Variants in FER1L6 observed in about 807,000 individuals in gnomAD.
FER1L6 encodes fer-1-like protein 6.
Under a neutral mutation model 219.2 loss-of-function variants are expected in FER1L6, and 177 were observed. That is an observed-to-expected ratio of 0.81 (90% CI 0.71 to 0.91). The LOEUF (loss-of-function observed/expected upper bound fraction) is 0.91, where lower values mean the gene tolerates loss of function less well. Among genes scored for constraint, FER1L6 ranks in the 40% least tolerant of loss-of-function variants. The pLI is 0.00. For missense variants in FER1L6, 2,153 were observed against 2,259.9 expected (o/e 0.95, Z 0.96); for synonymous variants, 768 against 824.3 (o/e 0.93, Z 1.17).
chr8:124,095,628 C>A (rs1586331404), intron 35 of FER1L6, among the ~76,000 whole-genome samples: 1 of 152,124 alleles, frequency 6.6e-6, no homozygotes, highest in African/African-American at 2.4e-5. Flanking sequence ...TGTACTAGGA[C>A]CTTTACGTAA....
chr8:124,108,849 G>A (rs1335947267), intron 39 of FER1L6, among the ~76,000 whole-genome samples: 1 of 152,044 alleles, frequency 6.6e-6, no homozygotes, highest in Non-Finnish European at 1.5e-5. Flanking sequence ...TTGCATTCCA[G>A]CCTGGGCAAC....
chr8:124,102,819 A>T (rs938468733), intron 38 of FER1L6, among the ~76,000 whole-genome samples: 1 of 152,174 alleles, frequency 6.6e-6, no homozygotes, highest in African/African-American at 2.4e-5. Context: ...TGAAGCCAAT[A>T]ATCCAGGCTT....
intron 20 of FER1L6, 80 bp downstream of exon 20, chr8:124,040,086 C>T (rs912239986): frequency 6.0e-5 from 95 of 1,575,982 alleles, no homozygotes; most frequent in Middle Eastern, 2.0e-4. Flanking sequence ...AAAGAAACAA[C>T]GGGGGCATGT....
At chr8:123,908,640 A>T (rs1813000196) in intron 1 of FER1L6, among the ~76,000 whole-genome samples, 3 of 152,220 alleles carry the variant, frequency 2.0e-5, no homozygotes, top group Admixed American at 2.0e-4. Flanking sequence ...TGTAAGGATA[A>T]CCATATCTTA....
chr8:124,028,428 A>G (rs1818805798), intron 18 of FER1L6, among the ~76,000 whole-genome samples: 1 of 151,794 alleles, frequency 6.6e-6, no homozygotes, highest in Non-Finnish European at 1.5e-5. Flanking sequence ...CTTTCTCTTC[A>G]CTGAATGAGC....
At chr8:124,106,855 C>A (rs771170703) in intron 39 of FER1L6, among the ~76,000 whole-genome samples, 1 of 151,548 alleles carries the variant, frequency 6.6e-6, no homozygotes, top group Non-Finnish European at 1.5e-5. Context: ...TAATGTGGTA[C>A]GTAGCACATA....
At chr8:123,953,808 G>A (rs996634918) in intron 1 of FER1L6, among the ~76,000 whole-genome samples, 1 of 152,192 alleles carries the variant, frequency 6.6e-6, no homozygotes, top group Non-Finnish European at 1.5e-5. Context: ...TCATGGCAGG[G>A]GGCACCTGGG....
At chr8:124,092,219 G>A (rs1396845103) in intron 34 of FER1L6, among the ~76,000 whole-genome samples, 1 of 152,100 alleles carries the variant, frequency 6.6e-6, no homozygotes, top group Non-Finnish European at 1.5e-5. Flanking sequence ...TCTTTGAAAT[G>A]ATCAGTGATG....
At chr8:123,906,664 G>A (rs890705384) in intron 1 of FER1L6, among the ~76,000 whole-genome samples, 7 of 151,960 alleles carry the variant, frequency 4.6e-5, no homozygotes, top group African/African-American at 1.7e-4. Flanking sequence ...GCTTGGCGTG[G>A]TGGTGTGTGC....
At position 123,944,364 on chromosome 8, in the gene FER1L6, A is replaced by G. The variant is rs138974014; in HGVS notation, c.-7-11628A>G. ...TATCAAATATATAGTGAACAAGTAT[A>G]TTGGCTCAATCCCAGTGTGGTGTAG... On this transcript the variant is annotated intron_variant, in intron 1 of 40. Transcript: ENST00000522917. Among the ~76,000 whole-genome samples, 159 of 151,010 alleles carry G rather than the reference A, an allele frequency of 1.1e-3. 2 individuals are homozygous for G. The highest frequency in any genetic ancestry group is 3.1e-3 in the East Asian group (16 of 5,158).
Position 123,959,172 on chromosome 8 carries a change from A to G in FER1L6, c.76+3098A>G, listed in dbSNP as rs113666384. ...CAGTAACTCAATAAATTAGTGAATG[A>G]GTGCTGTAGAAGAAGCTTTAGCTGA... is the stretch of plus-strand genomic sequence containing the variant. On this transcript the variant is annotated intron_variant, in intron 2 of 40. Coordinates refer to ENST00000522917, the MANE Select transcript of FER1L6 (RefSeq NM_001039112.2). Among the ~76,000 whole-genome samples, 744 of 152,310 alleles carry G rather than the reference A, an allele frequency of 4.9e-3. 1 individual carries two copies. The highest frequency in any genetic ancestry group is 0.01 in the Middle Eastern group (3 of 294).
chr8:124,071,745 T>C (rs1821083303), intron 31 of FER1L6, 114 bp downstream of exon 31: 1 of 1,321,384 alleles, frequency 7.6e-7, no homozygotes, highest in Non-Finnish European at 1.0e-6. Context: ...CCCACAGTTT[T>C]GAATGCCATA....
At chr8:123,884,918 T>C (rs1300295962) in intron 1 of FER1L6, among the ~76,000 whole-genome samples, 1 of 152,130 alleles carries the variant, frequency 6.6e-6, no homozygotes, top group Non-Finnish European at 1.5e-5. Context: ...AATAGAATCA[T>C]TGCAGATGCA....
chr8:123,892,022 C>T (rs895521388), intron 1 of FER1L6, among the ~76,000 whole-genome samples: 7 of 152,264 alleles, frequency 4.6e-5, no homozygotes, highest in Admixed American at 3.9e-4. Flanking sequence ...GCCGAAATAA[C>T]AGGGTTTTCT....
chr8:124,008,884 T>G (rs1817787613), intron 13 of FER1L6, among the ~76,000 whole-genome samples: 1 of 152,142 alleles, frequency 6.6e-6, no homozygotes. Flanking sequence ...TCAACATCAC[T>G]AATGATCAGG....
chr8:123,929,195 A>G (rs919682211), intron 1 of FER1L6, among the ~76,000 whole-genome samples: 6 of 152,332 alleles, frequency 3.9e-5, no homozygotes, highest in South Asian at 2.1e-4. Context: ...TCTTTGATTC[A>G]TTCATTTAAC....
chr8:124,024,748 T>C (rs7822227), intron 18 of FER1L6, among the ~76,000 whole-genome samples: 87,952 of 152,028 alleles, frequency 0.58, 25,903 homozygotes, highest in African/African-American at 0.64. Flanking sequence ...GGTTGAATGG[T>C]AGATCTATTT....
At chr8:124,058,033 A>G (rs1303278044) in intron 22 of FER1L6, among the ~76,000 whole-genome samples, 2 of 152,218 alleles carry the variant, frequency 1.3e-5, no homozygotes, top group African/African-American at 4.8e-5. Flanking sequence ...ATTGCATGCT[A>G]GACATTTCTA....
intron 33 of FER1L6, among the ~76,000 whole-genome samples, chr8:124,086,745 A>C (rs901050574): frequency 6.6e-6 from 1 of 152,134 alleles, no homozygotes; most frequent in African/African-American, 2.4e-5. Context: ...AGATTAAAAA[A>C]CTTCTTTTAG....
Sources: allele counts gnomAD v4.1 joint callset (sites outside exome capture counted in the v4.1 genomes callset), GRCh38; gene constraint gnomAD v4.1.1; transcripts MANE v1.5; gene names NCBI Gene and HGNC (gene_info 2026-07-23, HGNC 2026-07-21).